Variants in PTPRA observed in about 807,000 individuals in gnomAD.
PTPRA encodes protein tyrosine phosphatase receptor type A.
PTPRA carries 25 observed loss-of-function variants against 104.8 expected under a neutral mutation model. That is an observed-to-expected ratio of 0.24 (90% CI 0.17 to 0.33). The LOEUF (loss-of-function observed/expected upper bound fraction) is 0.33. Among genes scored for constraint, PTPRA ranks in the 10% least tolerant of loss-of-function variants. PTPRA has a pLI of 1.00. For synonymous variants in PTPRA, 323 were observed against 368.9 expected (o/e 0.88, Z 1.43); for missense variants, 765 against 1,015.3 (o/e 0.75, Z 3.35).
intron 13 of PTPRA, among the ~76,000 whole-genome samples, chr20:3,018,216 GTTTTGTT>G (rs2064569719): frequency 6.7e-6 from 1 of 150,230 alleles, no homozygotes; most frequent in Non-Finnish European, 1.5e-5. Context: ...TTTTGTTGTT[GTTTTGTT>G]TTGTTTTGTT....
intron 1 of PTPRA, among the ~76,000 whole-genome samples, chr20:2,904,126 G>T (rs114572200): frequency 6.6e-6 from 1 of 151,736 alleles, no homozygotes; most frequent in South Asian, 2.1e-4. Context: ...ATGATGCCCC[G>T]GCTGGTCTTG....
At position 3,035,579 on chromosome 20, in the gene PTPRA, C is replaced by A; in HGVS notation, c.1921-6C>A. ...AGCTCCTCACCTCTCCAACCTGTCT[C>A]TCCAGGAGAAGTGTGCCCAGTACTG... On this transcript the variant is annotated splice_region_variant and splice_polypyrimidine_tract_variant and intron_variant, in intron 20 of 23. Transcript: ENST00000399903. The surrounding 1 kb of genome is among the most constrained non-coding windows in gnomAD (Gnocchi z 5.8). 6.2e-7 allele frequency: 1 copy of A among 1,609,998 alleles called. No individual in the cohort carries two copies. The highest frequency in any genetic ancestry group is 8.5e-7 in the Non-Finnish European group (1 of 1,176,268).
At chr20:2,877,247 TTTTGTTTG>T (rs545873111) in intron 1 of PTPRA, among the ~76,000 whole-genome samples, 21 of 152,082 alleles carry the variant, frequency 1.4e-4, no homozygotes, top group South Asian at 4.1e-4. Context: ...AAGAGATGTT[TTTTGTTTG>T]TTTGTTTGTT....
chr20:2,864,440 TG>T, the PTPRA span: 6 of 1,614,176 alleles, frequency 3.7e-6, no homozygotes, highest in Non-Finnish European at 4.2e-6. The surrounding 1 kb of genome is among the most constrained non-coding windows in gnomAD (Gnocchi z 5.2). Context: ...AATCAGCCCA[TG>T]GCCCTCAGTT....
rs765853952 is a variant in PTPRA at position 3,022,757 on chromosome 20, G to A, written c.1397G>A (p.Arg466Gln). The stretch of plus-strand genomic sequence containing the variant: ...ATGCTGGACATGATGCATACAGAAC[G>A]GAAGGTGGACGTGTATGGCTTTGTG... ...DAMLDMMHTE[R>Q]KVDVYGFVSR... is the part of the protein sequence containing the mutation. Residue 466 changes from arginine (R) to glutamine (Q), a missense_variant, in exon 16 of 24, where the codon CGG becomes CAG. By Grantham distance (43) the Arg-to-Gln change is conservative. Coordinates refer to ENST00000399903, the MANE Select transcript of PTPRA (RefSeq NM_001385305.1). This position sits in a 1 kb window ranked among gnomAD's most constrained non-coding sequence, Gnocchi z 4.6. 7 of 1,614,190 alleles carry A rather than the reference G, an allele frequency of 4.3e-6. No homozygotes were observed. Among genetic ancestry groups the A allele is most frequent in the East Asian group, 4.5e-5 (2 of 44,878 alleles).
chr20:2,996,607 G>C (rs779347877), intron 9 of PTPRA, among the ~76,000 whole-genome samples: 1 of 152,150 alleles, frequency 6.6e-6, no homozygotes, highest in Non-Finnish European at 1.5e-5. Context: ...GCCATAGGTA[G>C]ACAAAGAATG....
chr20:2,896,557 T>C (rs2059009457), intron 1 of PTPRA, among the ~76,000 whole-genome samples: 1 of 152,202 alleles, frequency 6.6e-6, no homozygotes, highest in Non-Finnish European at 1.5e-5. Flanking sequence ...CCCATCTATG[T>C]AATTTTTCTG....
chr20:2,971,816 TG>T (rs2062200252), intron 5 of PTPRA, among the ~76,000 whole-genome samples: 1 of 152,174 alleles, frequency 6.6e-6, no homozygotes, highest in Non-Finnish European at 1.5e-5. Context: ...TCTGTTTCTA[TG>T]GTGGATTCTA....
chr20:2,879,932 ATG>A lies in PTPRA; in HGVS notation c.-129+6176_-129+6177del, dbSNP rs1232888612. On this transcript the variant is annotated intron_variant, in intron 1 of 23. Transcript: ENST00000399903. ...AATCACATCAGGACTCATCCTCAGA[ATG>A]TGTTCCATTGTTAAGTGATGCATAC... Among the ~76,000 whole-genome samples the A allele has an allele frequency of 9.2e-5, 14 of 152,274 alleles. 1 individual carries two copies. The East Asian group carries it at 2.7e-3, about 29-fold the overall frequency.
chr20:2,952,286 A>G (rs2061380374), intron 3 of PTPRA, among the ~76,000 whole-genome samples: 2 of 152,058 alleles, frequency 1.3e-5, no homozygotes, highest in Non-Finnish European at 2.9e-5. Context: ...CTGGTATTTT[A>G]TGTTTTACTT....
chr20:3,027,182 C>T lies in PTPRA; in HGVS notation c.1770C>T (p.Asn590=), dbSNP rs145212464. The stretch of plus-strand genomic sequence containing the variant: ...GCGAAGAGAATACAGACTATGTGAA[C>T]GCATCCTTTATTGATGTAAGTGGTG... ...KRGEENTDYV[N]ASFIDGYRQK... Residue 590 remains asparagine, a synonymous_variant, in exon 19 of 24, where the codon AAC becomes AAT. Transcript: ENST00000399903. The T allele has an allele frequency of 4.3e-4, 700 of 1,614,018 alleles. 1 individual carries two copies. The highest frequency in any genetic ancestry group is 5.5e-4 in the African/African-American group (41 of 75,038).
chr20:2,953,357 C>T (rs1022650716), intron 3 of PTPRA, among the ~76,000 whole-genome samples: 3 of 151,966 alleles, frequency 2.0e-5, no homozygotes, highest in Admixed American at 6.6e-5. Context: ...CGGGTTCAAG[C>T]GATTCTCCTG....
At chr20:2,880,092 T>C (rs141078193) in intron 1 of PTPRA, among the ~76,000 whole-genome samples, 25 of 152,292 alleles carry the variant, frequency 1.6e-4, no homozygotes, top group Non-Finnish European at 2.6e-4. Flanking sequence ...TGCAAGGATT[T>C]TGGACTCTAT....
chr20:3,001,486 C>A (rs2063624057), intron 9 of PTPRA, among the ~76,000 whole-genome samples: 1 of 152,150 alleles, frequency 6.6e-6, no homozygotes, highest in Non-Finnish European at 1.5e-5. Flanking sequence ...TACGTCTGTT[C>A]TACATTTTAG....
At chr20:2,959,560 T>C (rs898998260) in intron 3 of PTPRA, among the ~76,000 whole-genome samples, 6 of 152,190 alleles carry the variant, frequency 3.9e-5, no homozygotes, top group Non-Finnish European at 5.9e-5. Flanking sequence ...TTTTTTAAAA[T>C]AGACTTTTTT....
intron 1 of PTPRA, among the ~76,000 whole-genome samples, chr20:2,901,708 T>G (rs2059244864): frequency 6.6e-6 from 1 of 152,130 alleles, no homozygotes. Flanking sequence ...CGTTTTGAAA[T>G]TTTACAATAT....
chr20:2,909,145 A>G (rs1312853599), intron 1 of PTPRA, among the ~76,000 whole-genome samples: 2 of 152,184 alleles, frequency 1.3e-5, no homozygotes, highest in Non-Finnish European at 2.9e-5. Context: ...TGTGTAAGGC[A>G]CTGTGTCAGA....
At chr20:3,019,427 A>C (rs1050469329) in intron 13 of PTPRA, among the ~76,000 whole-genome samples, 1 of 145,942 alleles carries the variant, frequency 6.9e-6, no homozygotes. Flanking sequence ...GGGTCTCCTC[A>C]CTTCTCAGAC....
chr20:3,007,174 A>G (rs1600243718), intron 10 of PTPRA, among the ~76,000 whole-genome samples, 170 bp from the exon 11 acceptor site: 1 of 152,254 alleles, frequency 6.6e-6, no homozygotes, highest in Middle Eastern at 3.4e-3. Context: ...TACTTAAGGT[A>G]TTCCCAATTT....
Sources: allele counts gnomAD v4.1 joint callset (sites outside exome capture counted in the v4.1 genomes callset), GRCh38; gene constraint gnomAD v4.1.1; non-coding constraint Gnocchi (gnomAD v3.1); transcripts MANE v1.5; gene names NCBI Gene and HGNC (gene_info 2026-07-23, HGNC 2026-07-21).